KCNAB1: variants seen among roughly 807,000 people sequenced by gnomAD.
KCNAB1 encodes voltage-gated potassium channel subunit beta-1.
A neutral mutation model predicts 64.6 loss-of-function variants in KCNAB1; 35 were observed. That is an observed-to-expected ratio of 0.54 (90% CI 0.41 to 0.72). KCNAB1 has a LOEUF of 0.72. KCNAB1 is among the 30% of genes least tolerant of loss of function. The pLI is 0.00. For synonymous variants in KCNAB1, 177 were observed against 183.8 expected (o/e 0.96, Z 0.30); for missense variants, 401 against 512.9 (o/e 0.78, Z 2.11).
At chr3:156,354,954 A>G (rs2108093647) in intron 1 of KCNAB1, among the ~76,000 whole-genome samples, 1 of 152,356 alleles carries the variant, frequency 6.6e-6, no homozygotes, top group South Asian at 2.1e-4. Context: ...CCATTCCAGA[A>G]TCTAGTCTAC....
chr3:156,457,368 C>G, intron 3 of KCNAB1, 85 bp from the exon 4 acceptor site: 1 of 1,594,754 alleles, frequency 6.3e-7, no homozygotes, highest in Non-Finnish European at 8.5e-7. Flanking sequence ...GGTCAGTGTT[C>G]CTAAAGACCG....
At chr3:156,513,220 AAC>A (rs1420689780) in intron 8 of KCNAB1, among the ~76,000 whole-genome samples, 2 of 151,838 alleles carry the variant, frequency 1.3e-5, no homozygotes, top group African/African-American at 4.8e-5. Flanking sequence ...TCAAAAAAAA[AAC>A]AACAACAACA....
chr3:156,497,966 G>A lies in KCNAB1; in HGVS notation c.659-16398G>A, dbSNP rs141146541. Among the ~76,000 whole-genome samples, 18 of 152,248 alleles carry A rather than the reference G, an allele frequency of 1.2e-4. 1 individual carries two copies. Among genetic ancestry groups the A allele is most frequent in the Middle Eastern group, 6.8e-3 (2 of 294 alleles). On this transcript the variant is annotated intron_variant, in intron 8 of 13. Coordinates refer to ENST00000490337, the MANE Select transcript of KCNAB1 (RefSeq NM_172160.3). ...GCCAAAATAAACTCACACTAACTTG[G>A]TATAGCATGTCTAAACAAGATCTAG...
intron 1 of KCNAB1, among the ~76,000 whole-genome samples, chr3:156,389,798 A>G (rs1310904818): frequency 1.3e-5 from 2 of 152,228 alleles, no homozygotes; most frequent in Non-Finnish European, 1.5e-5. Context: ...GTTATTCTAT[A>G]CTAGTGGTTG....
intron 8 of KCNAB1, among the ~76,000 whole-genome samples, chr3:156,481,512 G>A (rs1028898337): frequency 6.6e-6 from 1 of 151,478 alleles, no homozygotes; most frequent in Admixed American, 6.6e-5. Context: ...GATACTTTAG[G>A]CCTATTTAGC....
intron 1 of KCNAB1, among the ~76,000 whole-genome samples, chr3:156,129,133 A>G (rs1713838005): frequency 6.6e-6 from 1 of 152,022 alleles, no homozygotes; most frequent in Admixed American, 6.6e-5. Context: ...GGTTCTGCCT[A>G]TTCATTTTTT....
At chr3:156,242,510 C>T (rs1717217539) in intron 1 of KCNAB1, among the ~76,000 whole-genome samples, 1 of 152,128 alleles carries the variant, frequency 6.6e-6, no homozygotes, top group Non-Finnish European at 1.5e-5. Context: ...CGTATATCCT[C>T]TCTCTTGCTT....
chr3:156,218,853 TAAA>T (rs1459668088), intron 1 of KCNAB1, among the ~76,000 whole-genome samples: 1 of 129,114 alleles, frequency 7.7e-6, no homozygotes, highest in African/African-American at 2.9e-5. Flanking sequence ...ATAAAAAAAA[TAAA>T]ATAAAAATCA....
intron 1 of KCNAB1, among the ~76,000 whole-genome samples, chr3:156,420,009 A>G (rs1715361168): frequency 6.6e-6 from 1 of 152,246 alleles, no homozygotes; most frequent in East Asian, 1.9e-4. Context: ...GAGCAATCCA[A>G]TTATTTTCGT....
chr3:156,289,452 T>C (rs1720273127), intron 1 of KCNAB1, among the ~76,000 whole-genome samples: 1 of 152,198 alleles, frequency 6.6e-6, no homozygotes, highest in African/African-American at 2.4e-5. Flanking sequence ...TGATCATCTC[T>C]GATGAGCCGG....
chr3:156,476,594 C>CAT (rs1355847624), intron 8 of KCNAB1, among the ~76,000 whole-genome samples: 20 of 150,258 alleles, frequency 1.3e-4, no homozygotes, highest in African/African-American at 3.5e-4. Context: ...TACACACACA[C>CAT]ATATATATAT....
chr3:156,221,452 T>G (rs183087561), intron 1 of KCNAB1, among the ~76,000 whole-genome samples: 3 of 152,252 alleles, frequency 2.0e-5, no homozygotes, highest in African/African-American at 4.8e-5. Flanking sequence ...GGTCCTATCT[T>G]TAGCCCCCTT....
Position 156,452,779 on chromosome 3 carries a change from GTAC to G in KCNAB1, c.320-119_320-117del, listed in dbSNP as rs1387647100. On this transcript the variant is annotated intron_variant, in intron 2 of 13. Transcript: ENST00000490337. This position sits in a 1 kb window ranked among gnomAD's most constrained non-coding sequence, Gnocchi z 4.6. ...CAGCCCACATGTGCCCCTCATCCAG[GTAC>G]CTTTGTGAACTACCCATACAACCTA... The G allele has an allele frequency of 2.1e-5, 14 of 679,768 alleles. No homozygotes were observed. The African/African-American group carries it at 2.5e-4, about 12-fold the overall frequency. 42.1% of individuals were successfully genotyped at this position (679,768 alleles called of 1,614,324 possible).
At chr3:156,294,226 T>G (rs141629163) in intron 1 of KCNAB1, among the ~76,000 whole-genome samples, 161 of 152,368 alleles carry the variant, frequency 1.1e-3, no homozygotes, top group African/African-American at 3.7e-3. Context: ...CTTTCATTAC[T>G]GACAACTAAA....
chr3:156,140,703 T>C (rs1033556358), intron 1 of KCNAB1, among the ~76,000 whole-genome samples: 1 of 151,960 alleles, frequency 6.6e-6, no homozygotes, highest in African/African-American at 2.4e-5. Flanking sequence ...AAATAGTAAA[T>C]AAATAATGGT....
intron 1 of KCNAB1, among the ~76,000 whole-genome samples, chr3:156,136,650 G>A (rs185101031): frequency 8.5e-5 from 13 of 152,262 alleles, no homozygotes; most frequent in Admixed American, 2.0e-4. Context: ...TTTCGACGCC[G>A]CTCACCTACC....
At chr3:156,535,969 G>A (rs1423829221) in intron 13 of KCNAB1, among the ~76,000 whole-genome samples, 1 of 152,056 alleles carries the variant, frequency 6.6e-6, no homozygotes, top group Non-Finnish European at 1.5e-5. Context: ...CTTACCATCC[G>A]TATCCTGTTC....
chr3:156,314,803 A>G (rs1722166294), intron 1 of KCNAB1, among the ~76,000 whole-genome samples: 1 of 152,230 alleles, frequency 6.6e-6, no homozygotes, highest in African/African-American at 2.4e-5. Flanking sequence ...ACTTGAGGCC[A>G]GGAGTTCAAA....
At chr3:156,512,188 T>C (rs62287717) in intron 8 of KCNAB1, among the ~76,000 whole-genome samples, 8,445 of 152,292 alleles carry the variant, frequency 0.055, 319 homozygotes, top group Non-Finnish European at 0.083. Flanking sequence ...ACTCCCTGAG[T>C]CCAGGAAATT....
Sources: gnomAD v4.1 joint callset for allele counts (sites outside exome capture counted in the v4.1 genomes callset) on GRCh38, gnomAD v4.1.1 for gene constraint, Gnocchi (gnomAD v3.1) non-coding constraint, MANE v1.5 for transcripts, NCBI Gene and HGNC (gene_info 2026-07-23, HGNC 2026-07-21) for gene names.